Variants in SNTG1 observed in about 807,000 individuals in gnomAD.
SNTG1 encodes the protein syntrophin gamma 1.
A neutral mutation model predicts 74.7 loss-of-function variants in SNTG1; 39 were observed. The ratio of observed to expected loss-of-function variants is 0.52; its 90% confidence interval spans 0.40 to 0.68. SNTG1 has a LOEUF of 0.68. SNTG1 is among the 30% of genes least tolerant of loss of function. The probability of loss-of-function intolerance (pLI) is 0.00; values close to 1 mark genes in which losing one functional copy is unlikely to be tolerated. For missense variants in SNTG1, 685 were observed against 609.5 expected, an observed-to-expected ratio of 1.12 and a Z score of -1.30; for synonymous variants, 254 against 217.1, an observed-to-expected ratio of 1.17 and a Z score of -1.49.
At chr8:50,176,385 A>G (rs1477558627) in intron 2 of SNTG1, among the ~76,000 whole-genome samples, 3 of 152,202 alleles carry the variant, frequency 2.0e-5, no homozygotes, top group South Asian at 2.1e-4. Context: ...AGATAAAATG[A>G]CAAATTGATC....
chr8:50,042,389 C>T (rs1237015144), intron 1 of SNTG1, among the ~76,000 whole-genome samples: 2 of 152,068 alleles, frequency 1.3e-5, no homozygotes, highest in Non-Finnish European at 2.9e-5. Context: ...AAATGCAAAT[C>T]TTAAAATAAT....
rs1327258160 is a variant in SNTG1 at position 50,118,564 on chromosome 8, G to A, written c.-102-53997G>A. ...TTGACTCTGGACACATAGCTAACAC[G>A]TGGCCAAGCCAATCATGTGAGGAGT... is the stretch of plus-strand genomic sequence containing the variant. On this transcript the variant is annotated intron_variant, in intron 1 of 18. Transcript: ENST00000642720. 4.1e-5 allele frequency among the ~76,000 whole-genome samples: 4 copies of A among 96,778 alleles called. 1 individual carries two copies. Among genetic ancestry groups the A allele is most frequent in the South Asian group, 5.1e-4 (1 of 1,974 alleles). The allele number at this position is 96,778 out of a possible 152,430, so 63.5% of individuals were successfully genotyped here. A position where few individuals can be genotyped will look rare whatever the true frequency, so the allele number is the denominator to read the frequency against.
intron 1 of SNTG1, among the ~76,000 whole-genome samples, chr8:50,150,332 T>C (rs2082022499): frequency 6.6e-6 from 1 of 152,220 alleles, no homozygotes; most frequent in Non-Finnish European, 1.5e-5. Flanking sequence ...AATCATGTCA[T>C]CTGCAAACAG....
At chr8:50,012,998 C>G (rs1200336270) in intron 1 of SNTG1, among the ~76,000 whole-genome samples, 5 of 152,076 alleles carry the variant, frequency 3.3e-5, no homozygotes, top group Non-Finnish European at 7.4e-5. Flanking sequence ...ACAGCTGAAT[C>G]CTACTTCTAA....
chr8:49,941,825 A>G (rs905043367), intron 1 of SNTG1, among the ~76,000 whole-genome samples: 3 of 152,226 alleles, frequency 2.0e-5, no homozygotes, highest in African/African-American at 7.2e-5. Flanking sequence ...AAGGATATAA[A>G]TGACCTTTTC....
chr8:50,381,528 G>C (rs940526396), intron 2 of SNTG1, among the ~76,000 whole-genome samples: 1 of 144,406 alleles, frequency 6.9e-6, no homozygotes, highest in African/African-American at 2.5e-5. Flanking sequence ...TATTAGTCAG[G>C]GTTCTCTAGA....
At chr8:49,957,068 T>A (rs1426251841) in intron 1 of SNTG1, among the ~76,000 whole-genome samples, 1 of 152,176 alleles carries the variant, frequency 6.6e-6, no homozygotes, top group East Asian at 1.9e-4. Context: ...GTAAGTTAAT[T>A]CAGTCTTTTA....
At position 49,955,303 on chromosome 8, in the gene SNTG1, T is replaced by C. The variant is rs76658651; in HGVS notation, c.-103+43072T>C. Among the ~76,000 whole-genome samples the C allele has an allele frequency of 4.4e-4, 67 of 152,344 alleles. No homozygotes were observed. In the East Asian group the frequency reaches 0.011, roughly 25 times the overall value. On this transcript the variant is annotated intron_variant, in intron 1 of 18. Transcript: ENST00000642720. ...CCTAAAATGATCTCATTAGATTGCA[T>C]TCATGCGGTAAAGTGATGTTGTCTT... is the stretch of plus-strand genomic sequence containing the variant.
intron 1 of SNTG1, among the ~76,000 whole-genome samples, chr8:50,113,340 G>A (rs1211003294): frequency 6.6e-6 from 1 of 152,040 alleles, no homozygotes; most frequent in African/African-American, 2.4e-5. Flanking sequence ...GGATTCCTAG[G>A]TATTTTATTC....
chr8:50,437,056 T>C (rs2093311432), intron 4 of SNTG1, among the ~76,000 whole-genome samples: 2 of 152,184 alleles, frequency 1.3e-5, no homozygotes, highest in African/African-American at 4.8e-5. Context: ...GTTATACACA[T>C]AGAAACTTAT....
At chr8:50,063,671 G>C (rs1820663486) in intron 1 of SNTG1, among the ~76,000 whole-genome samples, 1 of 150,382 alleles carries the variant, frequency 6.6e-6, no homozygotes, top group African/African-American at 2.4e-5. Context: ...TCATACTATT[G>C]TTGTATCACC....
At chr8:50,032,585 C>T (rs1817824440) in intron 1 of SNTG1, among the ~76,000 whole-genome samples, 1 of 152,108 alleles carries the variant, frequency 6.6e-6, no homozygotes, top group South Asian at 2.1e-4. Context: ...AAGTCACTGA[C>T]TTCTCCAGTA....
intron 1 of SNTG1, among the ~76,000 whole-genome samples, chr8:50,122,427 G>T (rs1191438082): frequency 7.1e-6 from 1 of 141,294 alleles, no homozygotes; most frequent in Non-Finnish European, 1.6e-5. Flanking sequence ...AATGCAGGAA[G>T]AGGGCAGGCT....
At chr8:50,551,299 A>T (rs971187461) in intron 11 of SNTG1, among the ~76,000 whole-genome samples, 1 of 152,170 alleles carries the variant, frequency 6.6e-6, no homozygotes, top group Admixed American at 6.5e-5. Context: ...GTAAAAAGTG[A>T]TATGTATTAA....
intron 2 of SNTG1, among the ~76,000 whole-genome samples, chr8:50,277,877 G>C (rs1465415732): frequency 2.6e-5 from 4 of 152,040 alleles, no homozygotes; most frequent in African/African-American, 9.7e-5. Flanking sequence ...ACCTAATCAG[G>C]ATTTACATTA....
At chr8:50,583,566 T>C (rs2094626128) in intron 12 of SNTG1, among the ~76,000 whole-genome samples, 1 of 152,084 alleles carries the variant, frequency 6.6e-6, no homozygotes, top group South Asian at 2.1e-4. Context: ...ATATTCACAA[T>C]ACATTTTACT....
At chr8:50,724,505 AT>A (rs2095495372) in intron 17 of SNTG1, among the ~76,000 whole-genome samples, 1 of 152,162 alleles carries the variant, frequency 6.6e-6, no homozygotes, top group Non-Finnish European at 1.5e-5. Flanking sequence ...GTCAAGCATT[AT>A]TTTTAAAAGA....
At chr8:50,166,507 A>G (rs2082618932) in intron 1 of SNTG1, among the ~76,000 whole-genome samples, 1 of 14,818 alleles carries the variant, frequency 6.7e-5, no homozygotes, top group Non-Finnish European at 1.3e-4. Flanking sequence ...TGCAGCCAAA[A>G]AACACATGAA....
At chr8:50,694,191 C>T (rs533760832) in intron 15 of SNTG1, among the ~76,000 whole-genome samples, 1 of 150,934 alleles carries the variant, frequency 6.6e-6, no homozygotes, top group Non-Finnish European at 1.5e-5. Flanking sequence ...TATTCACAAC[C>T]TTTAGCTAAA....
Sources: gnomAD v4.1 joint callset for allele counts (sites outside exome capture counted in the v4.1 genomes callset) on GRCh38, gnomAD v4.1.1 for gene constraint, MANE v1.5 for transcripts, NCBI Gene and HGNC (gene_info 2026-07-23, HGNC 2026-07-21) for gene names.